TMEM138: variants seen among roughly 807,000 people sequenced by gnomAD.
TMEM138 encodes the protein transmembrane protein 138.
Under a neutral mutation model 18.1 loss-of-function variants are expected in TMEM138, and 9 were observed. The observed-to-expected ratio is 0.50, with a 90% CI of 0.30 to 0.87. The LOEUF (loss-of-function observed/expected upper bound fraction) is 0.87. Ranked by LOEUF, TMEM138 falls within the 40% of genes least tolerant of loss-of-function variation. The probability of loss-of-function intolerance (pLI) is 0.06; values close to 1 mark genes in which losing one functional copy is unlikely to be tolerated. For missense variants in TMEM138, 189 were observed against 190.6 expected (o/e 0.99, Z 0.05); for synonymous variants, 79 against 74.8 (o/e 1.06, Z -0.29).
At chr11:61,365,963 C>T (rs1186145944) in intron 2 of TMEM138, 82 bp from the exon 3 acceptor site, 14 of 1,500,386 alleles carry the variant, frequency 9.3e-6, no homozygotes, top group Middle Eastern at 1.8e-4. Context: ...GGACAGGCCT[C>T]GTGGTGTCCC....
In TMEM138 at chr11:61,367,928, ACG is replaced by A; in HGVS notation, c.308_309del (p.Arg103LeufsTer32). On this transcript the variant is annotated frameshift_variant, in exon 4 of 5. Coordinates refer to ENST00000278826, the MANE Select transcript of TMEM138 (RefSeq NM_016464.5). LOFTEE classifies it high-confidence loss of function. Reference protein sequence around the residue: ...ISLHVWVMNLRWKNSNSFIWT... With the variant: ...ISLHVWVMNLXWKNSNSFIWT... ...GTATCTCACATCTCCTTCAGAACTT[ACG>A]CTGGAAAAACTCCAACAGCTTCATA... 1 of 1,610,916 alleles carries A rather than the reference ACG, an allele frequency of 6.2e-7. No individual in the cohort carries two copies. The highest frequency in any genetic ancestry group is 8.5e-7 in the Non-Finnish European group (1 of 1,177,200).
At chr11:61,366,289 G>A in intron 3 of TMEM138, 73 bp downstream of exon 3, 2 of 1,510,916 alleles carry the variant, frequency 1.3e-6, no homozygotes, top group Middle Eastern at 1.8e-4. Flanking sequence ...TTGTTACCAA[G>A]GCTGGTCTCA....
chr11:61,367,794 T>G (rs1858204743), intron 3 of TMEM138, 129 bp from the exon 4 acceptor site: 1 of 684,674 alleles, frequency 1.5e-6, no homozygotes, highest in African/African-American at 1.8e-5. Context: ...GAAACGCTCC[T>G]TGGGGTTGTA....
At position 61,364,312 on chromosome 11, in the gene TMEM138, A is replaced by G. The variant is rs1858056613; in HGVS notation, c.-79A>G. On this transcript the variant is annotated 5_prime_UTR_variant, in exon 2 of 5. Coordinates refer to ENST00000278826, the MANE Select transcript of TMEM138 (RefSeq NM_016464.5). ...CAAAGGAACTAGAAGCCTCTCCCTC[A>G]GTGGTAGGGAGACAGCCAGGAGCGG... 1 of 1,509,378 alleles carries G rather than the reference A, an allele frequency of 6.6e-7. No homozygotes were observed. The highest frequency in any genetic ancestry group is 9.0e-7 in the Non-Finnish European group (1 of 1,105,996). The allele number at this position is 1,509,378 out of a possible 1,614,324, so 93.5% of individuals were successfully genotyped here.
chr11:61,364,985 C>T (rs887642661), intron 2 of TMEM138, among the ~76,000 whole-genome samples: 11 of 151,214 alleles, frequency 7.3e-5, no homozygotes, highest in African/African-American at 2.7e-4. Flanking sequence ...GTCGGGAATT[C>T]GGGACCAGTC....
intron 2 of TMEM138, 164 bp from the exon 3 acceptor site, chr11:61,365,881 T>C (rs1858125202): frequency 3.6e-6 from 3 of 828,970 alleles, no homozygotes; most frequent in East Asian, 3.0e-5. Context: ...TTTAGCTTCA[T>C]GTCATTCAGG....
downstream of TMEM138, among the ~76,000 whole-genome samples, chr11:61,373,558 C>G (rs1200468476): frequency 6.6e-6 from 1 of 150,808 alleles, no homozygotes. Context: ...AAATGAATGA[C>G]TTATTTAACA....
In TMEM138 at chr11:61,364,313, G is replaced by T. The variant is rs1858056706; in HGVS notation, c.-78G>T. ...AAAGGAACTAGAAGCCTCTCCCTCAGTGGTAGGGAGACAGCCAGGAGCGGT... is the reference window on the plus strand; with the variant it reads ...AAAGGAACTAGAAGCCTCTCCCTCATTGGTAGGGAGACAGCCAGGAGCGGT... On this transcript the variant is annotated 5_prime_UTR_variant, in exon 2 of 5. Coordinates refer to ENST00000278826, the MANE Select transcript of TMEM138 (RefSeq NM_016464.5). 6.5e-7 allele frequency: 1 copy of T among 1,535,426 alleles called. No individual in the cohort carries two copies. Among genetic ancestry groups the T allele is most frequent in the African/African-American group, 1.4e-5 (1 of 73,270 alleles).
chr11:61,362,892 T>A (rs1008467228), intron 1 of TMEM138: 1 of 152,230 alleles, frequency 6.6e-6, no homozygotes, highest in African/African-American at 2.4e-5. Flanking sequence ...AAGGAAACGA[T>A]CTTGGTTGAC....
chr11:61,375,432 C>T (rs1359045227), downstream of TMEM138, among the ~76,000 whole-genome samples: 1 of 151,060 alleles, frequency 6.6e-6, no homozygotes, highest in Non-Finnish European at 1.5e-5. Context: ...AAACCATTCT[C>T]CTGCCTCAGC....
chr11:61,370,190 G>A (rs73492378), downstream of TMEM138, among the ~76,000 whole-genome samples: 3 of 152,168 alleles, frequency 2.0e-5, no homozygotes, highest in East Asian at 1.9e-4. Context: ...GACAAAGCAC[G>A]TGAGGGTAGG....
downstream of TMEM138, among the ~76,000 whole-genome samples, chr11:61,376,865 A>T (rs1390172158): frequency 6.6e-6 from 1 of 152,198 alleles, no homozygotes; most frequent in Admixed American, 6.5e-5. Flanking sequence ...GAGAGATAAG[A>T]TAAAACATGA....
Position 61,366,038 on chromosome 11 carries a change from T to A in TMEM138, c.129-7T>A. Reference sequence around the variant, plus strand: ...TTCATTGGTTGTACTTTTTTTTATGTCTACAGCATCCAGGATATTGCAGTC... The same window carrying A: ...TTCATTGGTTGTACTTTTTTTTATGACTACAGCATCCAGGATATTGCAGTC... On this transcript the variant is annotated splice_region_variant and splice_polypyrimidine_tract_variant and intron_variant, in intron 2 of 4. Transcript: ENST00000278826. 1 of 1,609,474 alleles carries A rather than the reference T, an allele frequency of 6.2e-7. No homozygotes were observed. Among genetic ancestry groups the A allele is most frequent in the Admixed American group, 1.7e-5 (1 of 59,208 alleles).
intron 2 of TMEM138, among the ~76,000 whole-genome samples, chr11:61,365,470 C>T (rs1463657275): frequency 3.3e-5 from 5 of 151,998 alleles, no homozygotes; most frequent in African/African-American, 7.2e-5. Context: ...TTAGTAGAGA[C>T]GGGGTTTTGC....
At position 61,367,858 on chromosome 11, in the gene TMEM138, A is replaced by G. The variant is rs988272166; in HGVS notation, c.301-65A>G. ...AAAGCAACTGGCATCTCTGCAGCTA[A>G]CCAAGTTGGAGACATTAGGGCTTCT... is the stretch of plus-strand genomic sequence containing the variant. On this transcript the variant is annotated intron_variant, in intron 3 of 4. Transcript: ENST00000278826. The G allele has an allele frequency of 3.2e-5, 32 of 1,002,844 alleles. No individual in the cohort carries two copies. In the African/African-American group the frequency reaches 4.8e-4, roughly 15 times the overall value. The allele number at this position is 1,002,844 out of a possible 1,614,324, so 62.1% of individuals were successfully genotyped here.
chr11:61,365,909 T>C (rs1030436763), intron 2 of TMEM138, 136 bp from the exon 3 acceptor site: 1 of 1,115,112 alleles, frequency 9.0e-7, no homozygotes, highest in East Asian at 2.7e-5. Context: ...ACCCATGTTA[T>C]CTCTGTGAGG....
chr11:61,371,897 C>A (rs1378787743), downstream of TMEM138, among the ~76,000 whole-genome samples: 3 of 152,044 alleles, frequency 2.0e-5, no homozygotes, highest in Admixed American at 2.0e-4. Context: ...TAAATTTGGG[C>A]CGGGCACAGT....
At chr11:61,366,352 T>C (rs1858151508) in intron 3 of TMEM138, 136 bp downstream of exon 3, 3 of 989,998 alleles carry the variant, frequency 3.0e-6, no homozygotes, top group Non-Finnish European at 4.3e-6. Flanking sequence ...CTCAAGCAAT[T>C]CTCCTGCTTC....
chr11:61,368,407 T>C (rs1590629418), intron 4 of TMEM138, 190 bp from the exon 5 acceptor site: 1 of 541,582 alleles, frequency 1.8e-6, no homozygotes, highest in East Asian at 3.2e-5. Flanking sequence ...TTGTGTATTT[T>C]TAGTAGAGAC....
Sources: allele counts gnomAD v4.1 joint callset (sites outside exome capture counted in the v4.1 genomes callset), GRCh38; gene constraint gnomAD v4.1.1; transcripts MANE v1.5; gene names NCBI Gene and HGNC (gene_info 2026-07-23, HGNC 2026-07-21).